CAPN14: variants seen among roughly 807,000 people sequenced by gnomAD.
The protein encoded by CAPN14 is calpain-14.
Under a neutral mutation model 101.3 loss-of-function variants are expected in CAPN14, and 94 were observed. The observed-to-expected ratio is 0.93, with a 90% CI of 0.79 to 1.10. CAPN14 has a LOEUF of 1.10. Ranked by LOEUF, CAPN14 falls within the 50% of genes least tolerant of loss-of-function variation. CAPN14 has a pLI of 0.00. For missense variants in CAPN14, 837 were observed against 828.4 expected, an observed-to-expected ratio of 1.01 and a Z score of -0.13; for synonymous variants, 338 against 317.9, an observed-to-expected ratio of 1.06 and a Z score of -0.67.
chr2:31,206,811 A>G (rs1477934552), intron 1 of CAPN14, among the ~76,000 whole-genome samples: 1 of 152,206 alleles, frequency 6.6e-6, no homozygotes, highest in African/African-American at 2.4e-5. Flanking sequence ...TAATCTTATT[A>G]GCCTCCCCAT....
chr2:31,202,989 T>C, intron 3 of CAPN14, 81 bp downstream of exon 3: 1 of 1,253,848 alleles, frequency 8.0e-7, no homozygotes, highest in Non-Finnish European at 1.1e-6. Flanking sequence ...CTGGCTTCTC[T>C]TCTTTATCAA....
At chr2:31,188,459 G>A (rs1681016143) in intron 13 of CAPN14, 105 bp from the exon 14 acceptor site, 1 of 969,342 alleles carries the variant, frequency 1.0e-6, no homozygotes, top group South Asian at 1.4e-5. Context: ...CTTCACTGAG[G>A]CACCACAAGG....
intron 2 of CAPN14, among the ~76,000 whole-genome samples, chr2:31,226,009 G>T (rs572667022): frequency 6.6e-6 from 1 of 152,248 alleles, no homozygotes; most frequent in African/African-American, 2.4e-5. Flanking sequence ...AAAAGTTGTT[G>T]TAATTTAAAT....
At chr2:31,187,503 G>A (rs1460542620) in intron 15 of CAPN14, among the ~76,000 whole-genome samples, 1 of 147,016 alleles carries the variant, frequency 6.8e-6, no homozygotes, top group Non-Finnish European at 1.5e-5. Flanking sequence ...AAAGATTAAA[G>A]TTGCTTTCCC....
At chr2:31,193,093 C>T (rs1178133269) in intron 10 of CAPN14, 38 bp downstream of exon 10, 3 of 1,528,308 alleles carry the variant, frequency 2.0e-6, no homozygotes, top group Non-Finnish European at 2.6e-6. Flanking sequence ...CCGCCCACAA[C>T]CTCACCCTGA....
At chr2:31,207,484 C>T (rs937148180) in intron 1 of CAPN14, among the ~76,000 whole-genome samples, 1 of 152,062 alleles carries the variant, frequency 6.6e-6, no homozygotes. Flanking sequence ...AAGATTTTTT[C>T]AGGTCAGGTG....
At chr2:31,211,232 A>G (rs1204472109) in intron 1 of CAPN14, among the ~76,000 whole-genome samples, 1 of 116,192 alleles carries the variant, frequency 8.6e-6, no homozygotes, top group Non-Finnish European at 1.9e-5. Flanking sequence ...GAGAGAAAGA[A>G]AGAAAAAGAG....
At chr2:31,225,784 T>C (rs762429589) in intron 2 of CAPN14, among the ~76,000 whole-genome samples, 3 of 152,066 alleles carry the variant, frequency 2.0e-5, no homozygotes, top group African/African-American at 4.8e-5. Context: ...AAAGATCAGA[T>C]GGTAAGTTAA....
chr2:31,178,674 G>T (rs1463112847), intron 17 of CAPN14, 95 bp from the exon 18 acceptor site: 1 of 792,522 alleles, frequency 1.3e-6, no homozygotes. Context: ...TGCAATTTGT[G>T]GATGGCCTCA....
intron 21 of CAPN14, among the ~76,000 whole-genome samples, chr2:31,175,839 T>C (rs1183957826): frequency 2.6e-5 from 4 of 152,184 alleles, no homozygotes; most frequent in Admixed American, 2.6e-4. Flanking sequence ...GAGCAGAGGA[T>C]TGAACTCCAG....
chr2:31,203,054 G>A lies in CAPN14; in HGVS notation c.295+16C>T. On this transcript the variant is annotated intron_variant, in intron 3 of 21. Coordinates refer to ENST00000403897, the MANE Select transcript of CAPN14 (RefSeq NM_001145122.2). ...AGGCAGCCTAGTGTCTGTCTCTCGG[G>A]GCTGTGCAAACTTACCTACTATCCC... 14 of 1,549,732 alleles carry A rather than the reference G, an allele frequency of 9.0e-6. No individual in the cohort carries two copies. The highest frequency in any genetic ancestry group is 1.2e-5 in the Non-Finnish European group (14 of 1,145,382).
rs570917888 is a variant in CAPN14, at chr2:31,192,957, G to C, written c.1114+174C>G. Reference sequence around the variant, plus strand: ...TGCCTTGGTGCACATTGGGTCCAAAGGTACCCCATCTTCCCTGTGGTTATA... The same window carrying C: ...TGCCTTGGTGCACATTGGGTCCAAACGTACCCCATCTTCCCTGTGGTTATA... On this transcript the variant is annotated intron_variant, in intron 10 of 21. Coordinates refer to ENST00000403897, the MANE Select transcript of CAPN14 (RefSeq NM_001145122.2). 1.1e-4 allele frequency among the ~76,000 whole-genome samples: 17 copies of C among 152,190 alleles called. No homozygotes were observed. The East Asian group carries it at 2.7e-3, about 24-fold the overall frequency.
chr2:31,191,577 A>T (rs893634510), intron 11 of CAPN14, among the ~76,000 whole-genome samples, 170 bp from the exon 12 acceptor site: 1 of 152,166 alleles, frequency 6.6e-6, no homozygotes, highest in African/African-American at 2.4e-5. Context: ...TATCAGTGAC[A>T]TTTTAATCTA....
intron 12 of CAPN14, chr2:31,189,762 C>A (rs897207253): frequency 5.8e-6 from 3 of 515,536 alleles, no homozygotes; most frequent in African/African-American, 5.7e-5. Flanking sequence ...GAGGAATGTC[C>A]CTGTGCCTTC....
At chr2:31,226,600 T>C (rs910908215) in exon 2 of CAPN14, 1 of 152,278 alleles carries the variant, frequency 6.6e-6, no homozygotes, top group Non-Finnish European at 1.5e-5. Flanking sequence ...GCTTTTGGTG[T>C]TTCCCTTACC....
At chr2:31,178,879 C>T (rs1018079657) in intron 17 of CAPN14, among the ~76,000 whole-genome samples, 2 of 151,890 alleles carry the variant, frequency 1.3e-5, no homozygotes, top group African/African-American at 4.8e-5. Flanking sequence ...TTTTTTAATG[C>T]TATGAAATGT....
intron 14 of CAPN14, among the ~76,000 whole-genome samples, 193 bp from the exon 15 acceptor site, chr2:31,188,007 A>C (rs1274154163): frequency 6.6e-6 from 1 of 152,226 alleles, no homozygotes; most frequent in Non-Finnish European, 1.5e-5. Context: ...GGGAAATCAC[A>C]AACAGTGAAA....
At position 31,174,518 on chromosome 2, in the gene CAPN14, CG is replaced by C. The variant is rs879763284; in HGVS notation, c.*162del. The C allele has an allele frequency of 1.5e-6, 1 of 670,596 alleles. No individual in the cohort carries two copies. Among genetic ancestry groups the C allele is most frequent in the Non-Finnish European group, 2.6e-6 (1 of 388,102 alleles). The allele number at this position is 670,596 out of a possible 1,614,324, so 41.5% of individuals were successfully genotyped here. On this transcript the variant is annotated 3_prime_UTR_variant, in exon 22 of 22. Coordinates refer to ENST00000403897, the MANE Select transcript of CAPN14 (RefSeq NM_001145122.2). ...TCCCTTTCTGCATGCTGGCCATGCA[CG>C]GGGAGGGCTGCAGAAGAGAAACCTT...
intron 1 of CAPN14, among the ~76,000 whole-genome samples, chr2:31,216,293 C>T (rs1300549107): frequency 6.6e-6 from 1 of 152,140 alleles, no homozygotes; most frequent in Admixed American, 6.5e-5. Flanking sequence ...CCAATTATAC[C>T]ACTGATAGTT....
Sources: allele counts gnomAD v4.1 joint callset (sites outside exome capture counted in the v4.1 genomes callset), GRCh38; gene constraint gnomAD v4.1.1; transcripts MANE v1.5; gene names NCBI Gene and HGNC (gene_info 2026-07-23, HGNC 2026-07-21).